COL5A3: variants seen among roughly 807,000 people sequenced by gnomAD.
The protein encoded by COL5A3 is collagen type V alpha 3 chain.
COL5A3 carries 172 observed loss-of-function variants against 250.0 expected under a neutral mutation model. The ratio of observed to expected loss-of-function variants is 0.69; its 90% CI spans 0.61 to 0.78. The LOEUF is 0.78. Ranked by LOEUF, COL5A3 falls within the 30% of genes least tolerant of loss-of-function variation. The pLI is 0.00. For missense variants in COL5A3, 2,340 were observed against 2,334.4 expected, an observed-to-expected ratio of 1.00 and a Z score of -0.05; for synonymous variants, 937 against 900.4, an observed-to-expected ratio of 1.04 and a Z score of -0.73.
chr19:9,996,499 G>T lies in COL5A3; in HGVS notation c.1356C>A (p.Gly452=), dbSNP rs1568427505. 1.9e-6 allele frequency: 3 copies of T among 1,614,138 alleles called. No homozygotes were observed. The highest frequency in any genetic ancestry group is 2.2e-5 in the South Asian group (2 of 91,082). Residue 452 remains glycine, a synonymous_variant, in exon 13 of 67, where the codon GGC becomes GGA. Transcript: ENST00000264828. Reference sequence around the variant, plus strand: ...ATGAGACTGGGGGGCCTTTAAAGGAGCCGCCTGCAAACTGGAACTGGGAGG... The same window carrying T: ...ATGAGACTGGGGGGCCTTTAAAGGATCCGCCTGCAAACTGGAACTGGGAGG... The part of the protein sequence containing the change: ...VIMMPFQFAG[G]SFKGPPVSFQ...
chr19:10,003,466 A>G (rs2087392395), intron 6 of COL5A3, 99 bp downstream of exon 6: 2 of 1,187,322 alleles, frequency 1.7e-6, no homozygotes, highest in South Asian at 1.4e-5. Flanking sequence ...ATTAGTAGAG[A>G]TGGGAGACTA....
At chr19:9,991,567 A>T in intron 24 of COL5A3, 43 bp downstream of exon 24, 1 of 1,525,284 alleles carries the variant, frequency 6.6e-7, no homozygotes, top group South Asian at 1.2e-5. Flanking sequence ...GAGTTGAAGG[A>T]AGAAGACTTG....
chr19:9,986,597 C>G lies in COL5A3; in HGVS notation c.2200G>C (p.Gly734Arg), dbSNP rs556243775. The G allele has an allele frequency of 1.9e-6, 3 of 1,613,920 alleles. No individual in the cohort carries two copies. The South Asian group carries it at 3.3e-5, about 18-fold the overall frequency. ...ACATCGCCCTTGAAGCCTGGGAAGC[C>G]GTCCTCTCCCTGGGTGGGAGAGACA... ...QGEKGEKGED[G>R]FPGFKGDVGL... The change falls in exon 29 of 67, where the codon GGC (glycine) becomes CGC (arginine). Residue 734 changes from glycine (G) to arginine (R), a missense_variant. Gly to Arg is a moderately radical substitution (Grantham distance 125, BLOSUM62 -2). This residue lies in a region of COL5A3 where 1,152 missense variants were observed against 1,146.3 expected (regional missense o/e 1.00). Coordinates refer to ENST00000264828, the MANE Select transcript of COL5A3 (RefSeq NM_015719.4).
Position 9,995,606 on chromosome 19 carries a change from G to T in COL5A3, c.1545C>A (p.Gly515=), listed in dbSNP as rs1310165933. The change falls in exon 16 of 67, where the codon GGC becomes GGA. Residue 515 remains glycine, a synonymous_variant. Transcript: ENST00000264828. ...CAGGGGGTCCATGAGGTCCCTGCAGGCCTCGGGGACCCTAGAAGAAAGCAA... is the reference window on the plus strand; with the variant it reads ...CAGGGGGTCCATGAGGTCCCTGCAGTCCTCGGGGACCCTAGAAGAAAGCAA... ...EGAEGPQGPR[G]LQGPHGPPGR... 1 of 1,600,600 alleles carries T rather than the reference G, an allele frequency of 6.2e-7. No homozygotes were observed. Among genetic ancestry groups the T allele is most frequent in the Non-Finnish European group, 8.5e-7 (1 of 1,173,248 alleles).
chr19:9,998,257 CGG>C, intron 8 of COL5A3, 108 bp from the exon 9 acceptor site: 25 of 1,011,044 alleles, frequency 2.5e-5, no homozygotes, highest in South Asian at 3.3e-5. Context: ...CACACACACA[CGG>C]AGTCCACCCT....
chr19:9,973,904 C>A lies in COL5A3; in HGVS notation c.3558+15G>T, dbSNP rs756121996. The stretch of plus-strand genomic sequence containing the variant: ...CCCCATCTCTGAGCCTTCCTGGCCC[C>A]CCAAGAGTTCTCACCTCTGATCCAG... On this transcript the variant is annotated intron_variant, in intron 48 of 66. Coordinates refer to ENST00000264828, the MANE Select transcript of COL5A3 (RefSeq NM_015719.4). 1 of 1,586,300 alleles carries A rather than the reference C, an allele frequency of 6.3e-7. No individual in the cohort carries two copies. Among genetic ancestry groups the A allele is most frequent in the Admixed American group, 1.7e-5 (1 of 57,296 alleles).
At position 9,970,646 on chromosome 19, in the gene COL5A3, G is replaced by A. The variant is rs61729461; in HGVS notation, c.3912C>T (p.Gly1304=). 0.08 allele frequency: 115,835 copies of A among 1,449,476 alleles called. 5,129 individuals are homozygous for A. The highest frequency in any genetic ancestry group is 0.14 in the African/African-American group (9,684 of 68,756). The allele number at this position is 1,449,476 out of a possible 1,614,324, so 89.8% of individuals were successfully genotyped here. A position where few individuals can be genotyped will look rare whatever the true frequency, so the allele number is the denominator to read the frequency against. ...PGPPGASGEP[G]APGPPGKRGP... is the part of the protein sequence containing the mutation. ...CCCTCTTGCCGGGGGGCCCGGGGGC[G>A]CCGGGCTCCCCAGAAGCTCCAGGCG... is the stretch of plus-strand genomic sequence containing the variant. The change falls in exon 54 of 67, where the codon GGC becomes GGT. Residue 1304 remains glycine, a synonymous_variant. Coordinates refer to ENST00000264828, the MANE Select transcript of COL5A3 (RefSeq NM_015719.4).
chr19:9,967,413 G>C lies in COL5A3; in HGVS notation c.4405-13C>G, dbSNP rs1176253691. On this transcript the variant is annotated splice_polypyrimidine_tract_variant and intron_variant, in intron 61 of 66. Coordinates refer to ENST00000264828, the MANE Select transcript of COL5A3 (RefSeq NM_015719.4). Reference sequence around the variant, plus strand: ...GGCCCATGGACCCCTGTAGGGAGAAGTCACTTGGAGAATGAACCCTGTCTA... The same window carrying C: ...GGCCCATGGACCCCTGTAGGGAGAACTCACTTGGAGAATGAACCCTGTCTA... 1.3e-6 allele frequency: 2 copies of C among 1,499,814 alleles called. No individual in the cohort carries two copies. Among genetic ancestry groups the C allele is most frequent in the Non-Finnish European group, 1.8e-6 (2 of 1,132,208 alleles). The allele number at this position is 1,499,814 out of a possible 1,614,324, so 92.9% of individuals were successfully genotyped here. A position where few individuals can be genotyped will look rare whatever the true frequency, so the allele number is the denominator to read the frequency against.
chr19:9,993,564 G>T (rs2087226456), intron 18 of COL5A3, 55 bp downstream of exon 18: 1 of 1,596,584 alleles, frequency 6.3e-7, no homozygotes, highest in Non-Finnish European at 8.6e-7. Context: ...AAGTTGGGGG[G>T]GCTTGAATAT....
At position 9,979,339 on chromosome 19, in the gene COL5A3, G is replaced by A. The variant is rs762036631; in HGVS notation, c.2766+25C>T. 2.5e-6 allele frequency: 4 copies of A among 1,613,764 alleles called. No individual in the cohort carries two copies. In the East Asian group the frequency reaches 6.7e-5, roughly 27 times the overall value. Reference sequence around the variant, plus strand: ...TATCCCCCAACTGGTACAAAACAAGGGAGGTTTATGGAGTCCACTCTGACC... The same window carrying A: ...TATCCCCCAACTGGTACAAAACAAGAGAGGTTTATGGAGTCCACTCTGACC... On this transcript the variant is annotated intron_variant, in intron 38 of 66. Coordinates refer to ENST00000264828, the MANE Select transcript of COL5A3 (RefSeq NM_015719.4).
intron 35 of COL5A3, 26 bp downstream of exon 35, chr19:9,980,617 TTCACA>T: frequency 6.5e-7 from 1 of 1,529,320 alleles, no homozygotes; most frequent in South Asian, 1.1e-5. Context: ...CACACACACA[TTCACA>T]CACACACACA....
chr19:9,974,415 G>C lies in COL5A3; in HGVS notation c.3343-7C>G, dbSNP rs376301340. On this transcript the variant is annotated splice_polypyrimidine_tract_variant and splice_region_variant and intron_variant, in intron 45 of 66. Transcript: ENST00000264828. ...CCTGAGCCCCGTCTGCTCCCTGGAA[G>C]AACACAAACAGGGGCACATTTAAGG... The C allele has an allele frequency of 3.2e-6, 5 of 1,574,814 alleles. No individual in the cohort carries two copies. The African/African-American group carries it at 6.8e-5, about 21-fold the overall frequency.
intron 16 of COL5A3, among the ~76,000 whole-genome samples, chr19:9,994,485 G>GATTTT (rs1363532805): frequency 8.4e-5 from 12 of 142,760 alleles, no homozygotes; most frequent in African/African-American, 3.1e-4. Context: ...TGCCATGGCT[G>GATTTT]ATTTTATTTT....
chr19:9,981,069 G>T lies in COL5A3; in HGVS notation c.2505+19C>A. On this transcript the variant is annotated intron_variant, in intron 33 of 66. Transcript: ENST00000264828. ...TCCCCAAGTCCCAGCAGGGTAGGGG[G>T]CACTGTCTATTTTCTTACTGGTGGT... The T allele has an allele frequency of 6.2e-7, 1 of 1,611,990 alleles. No individual in the cohort carries two copies.
chr19:9,972,887 C>T, intron 51 of COL5A3, 32 bp downstream of exon 51: 2 of 1,508,878 alleles, frequency 1.3e-6, no homozygotes, highest in Non-Finnish European at 1.8e-6. Flanking sequence ...TGCCCCCTCC[C>T]ATGTCTGCCC....
At chr19:10,010,207 T>A in intron 1 of COL5A3, 91 bp downstream of exon 1, 319 of 248,496 alleles carry the variant, frequency 1.3e-3, no homozygotes, top group Non-Finnish European at 1.8e-3. Context: ...GCCCTTCCCC[T>A]CCACGCCCCT....
At chr19:9,995,068 C>T (rs1168965127) in intron 16 of COL5A3, among the ~76,000 whole-genome samples, 3 of 152,024 alleles carry the variant, frequency 2.0e-5, no homozygotes, top group African/African-American at 4.8e-5. Flanking sequence ...CTGCCATGCC[C>T]GGCTAATTTT....
At chr19:9,997,273 C>T in intron 11 of COL5A3, 98 bp downstream of exon 11, 2 of 906,276 alleles carry the variant, frequency 2.2e-6, no homozygotes, top group Non-Finnish European at 3.6e-6. Context: ...GATGGTGTTC[C>T]CGAGTGCCAC....
intron 8 of COL5A3, among the ~76,000 whole-genome samples, chr19:9,999,056 T>TTC (rs1367392123): frequency 1.5e-5 from 2 of 137,718 alleles, no homozygotes; most frequent in Non-Finnish European, 3.0e-5. Flanking sequence ...TTCTTTCTCT[T>TTC]TTTCTTTCTT....
Sources: gnomAD v4.1 joint callset for allele counts (sites outside exome capture counted in the v4.1 genomes callset) on GRCh38, gnomAD v4.1.1 for gene constraint, gnomAD v4.1.1 regional missense constraint, MANE v1.5 for transcripts, NCBI Gene and HGNC (gene_info 2026-07-23, HGNC 2026-07-21) for gene names.